CHL1: variants seen among roughly 807,000 people sequenced by gnomAD.
The protein encoded by CHL1 is neural cell adhesion molecule L1-like protein.
CHL1 carries 96 observed loss-of-function variants against 141.9 expected under a neutral mutation model. The ratio of observed to expected loss-of-function variants is 0.68; its 90% CI spans 0.57 to 0.80. The LOEUF is 0.80. Among genes scored for constraint, CHL1 ranks in the 30% least tolerant of loss-of-function variants. The pLI is 0.00. For missense variants in CHL1, 1,820 were observed against 1,457.2 expected (o/e 1.25, Z -4.05); for synonymous variants, 613 against 502.2 (o/e 1.22, Z -2.95).
At chr3:388,550 G>A (rs1231325501) in intron 19 of CHL1, among the ~76,000 whole-genome samples, 271 of 138,392 alleles carry the variant, frequency 2.0e-3, no homozygotes, top group African/African-American at 5.7e-3. Context: ...TCCGTCTCAA[G>A]AAAAAAAAAA....
At position 238,185 on chromosome 3, in the gene CHL1, G is replaced by T. The variant is rs773161223; in HGVS notation, c.-174-6428G>T. Among the ~76,000 whole-genome samples, 18 of 151,932 alleles carry T rather than the reference G, an allele frequency of 1.2e-4. 1 individual carries two copies. Among genetic ancestry groups the T allele is most frequent in the Non-Finnish European group, 1.8e-4 (12 of 67,986 alleles). ...ATTCAAATTTGTATTGAGTATTTTG[G>T]CACACATTTTGAGGGTCTGGGCCTC... On this transcript the variant is annotated intron_variant, in intron 1 of 27. Coordinates refer to ENST00000256509, the MANE Select transcript of CHL1 (RefSeq NM_006614.4).
chr3:294,947 A>G (rs1350514560), intron 2 of CHL1, among the ~76,000 whole-genome samples: 1 of 152,216 alleles, frequency 6.6e-6, no homozygotes, highest in East Asian at 1.9e-4. Context: ...CTGTTCTAAG[A>G]TAGCTTATAT....
chr3:211,578 C>T (rs969810877), intron 1 of CHL1, among the ~76,000 whole-genome samples: 3 of 152,128 alleles, frequency 2.0e-5, no homozygotes, highest in Non-Finnish European at 4.4e-5. Context: ...TTTTTCTCTC[C>T]ACGCTTAGGA....
At chr3:284,287 A>G (rs2125309517) in intron 2 of CHL1, among the ~76,000 whole-genome samples, 2 of 152,334 alleles carry the variant, frequency 1.3e-5, no homozygotes, top group South Asian at 4.1e-4. Flanking sequence ...AATGAATAAT[A>G]AGAGGAAAAC....
In CHL1 at chr3:266,378, G is replaced by T. The variant is rs548380173; in HGVS notation, c.-95+21686G>T. Reference sequence around the variant, plus strand: ...AATTTCTACATGGGAAGGATGCATTGGAAGCAACCTGGTTAGAAGGGGGCT... The same window carrying T: ...AATTTCTACATGGGAAGGATGCATTTGAAGCAACCTGGTTAGAAGGGGGCT... On this transcript the variant is annotated intron_variant, in intron 2 of 27. Transcript: ENST00000256509. Among the ~76,000 whole-genome samples the T allele has an allele frequency of 4.6e-5, 7 of 152,242 alleles. No homozygotes were observed. In the South Asian group the frequency reaches 1.5e-3, roughly 32 times the overall value.
At chr3:400,638 C>T (rs1709048703) in intron 26 of CHL1, among the ~76,000 whole-genome samples, 1 of 138,048 alleles carries the variant, frequency 7.2e-6, no homozygotes, top group Non-Finnish European at 1.5e-5. Flanking sequence ...TCTTATATTC[C>T]ACTAATAAGA....
chr3:378,446 T>A (rs1706618369), intron 16 of CHL1, among the ~76,000 whole-genome samples: 1 of 152,192 alleles, frequency 6.6e-6, no homozygotes, highest in Admixed American at 6.5e-5. Flanking sequence ...GTTGTTGTTG[T>A]TGATGAAAGT....
chr3:260,500 C>T (rs978156009), intron 2 of CHL1, among the ~76,000 whole-genome samples: 3 of 152,062 alleles, frequency 2.0e-5, no homozygotes, highest in Non-Finnish European at 2.9e-5. Context: ...AACCTTGTTT[C>T]GACTATGATG....
intron 2 of CHL1, among the ~76,000 whole-genome samples, chr3:285,779 G>T (rs1205119074): frequency 6.6e-6 from 1 of 151,986 alleles, no homozygotes; most frequent in Admixed American, 6.6e-5. Flanking sequence ...CCTCAGAAGT[G>T]ACCTAAAACC....
At chr3:337,613 A>G (rs1406115261) in intron 5 of CHL1, among the ~76,000 whole-genome samples, 9 of 150,404 alleles carry the variant, frequency 6.0e-5, no homozygotes, top group East Asian at 2.0e-4. Context: ...GAGAACATGC[A>G]ATGTTTGGTT....
chr3:261,497 T>G (rs1230704873), intron 2 of CHL1, among the ~76,000 whole-genome samples: 1 of 152,170 alleles, frequency 6.6e-6, no homozygotes, highest in Non-Finnish European at 1.5e-5. Context: ...TAAGAAATCA[T>G]ATTCTATCTT....
chr3:383,962 A>G (rs1373273131), intron 19 of CHL1, 76 bp downstream of exon 19: 2 of 874,382 alleles, frequency 2.3e-6, no homozygotes, highest in East Asian at 5.0e-5. Context: ...AACTACAATG[A>G]TAGCACAACA....
chr3:310,961 C>T (rs935898320), intron 2 of CHL1, among the ~76,000 whole-genome samples: 1 of 152,168 alleles, frequency 6.6e-6, no homozygotes. Context: ...TCCAGAGTGT[C>T]GTGTAGTTAG....
intron 1 of CHL1, among the ~76,000 whole-genome samples, chr3:226,603 C>G (rs989235680): frequency 2.0e-5 from 3 of 151,538 alleles, no homozygotes; most frequent in African/African-American, 7.3e-5. Context: ...GCGCACACCA[C>G]GCCCAGCTAA....
chr3:235,172 A>C (rs1276056947), intron 1 of CHL1, among the ~76,000 whole-genome samples: 1 of 152,008 alleles, frequency 6.6e-6, no homozygotes, highest in Non-Finnish European at 1.5e-5. Flanking sequence ...AACATTATTA[A>C]AAATATTTGT....
chr3:403,086 C>T (rs898973707), intron 27 of CHL1, among the ~76,000 whole-genome samples: 3 of 152,148 alleles, frequency 2.0e-5, no homozygotes, highest in African/African-American at 4.8e-5. Flanking sequence ...ATTCCTAGGC[C>T]ATTCGTGTGG....
In CHL1 at chr3:309,555, A is replaced by T. The variant is rs2124971082; in HGVS notation, c.-94-10128A>T. 2.9e-5 allele frequency among the ~76,000 whole-genome samples: 4 copies of T among 139,126 alleles called. No homozygotes were observed. In the South Asian group the frequency reaches 8.9e-4, roughly 31 times the overall value. 91.3% of individuals were successfully genotyped at this position (139,126 alleles called of 152,430 possible). A position where few individuals can be genotyped will look rare whatever the true frequency, so the allele number is the denominator to read the frequency against. ...TCCTTCCTTTTTTTGAAACGGTCTC[A>T]CTCTGTTGCCCAGGCAGAATCATAG... On this transcript the variant is annotated intron_variant, in intron 2 of 27. Coordinates refer to ENST00000256509, the MANE Select transcript of CHL1 (RefSeq NM_006614.4).
intron 27 of CHL1, among the ~76,000 whole-genome samples, chr3:403,429 C>A (rs1274557658): frequency 6.6e-6 from 1 of 152,114 alleles, no homozygotes; most frequent in Non-Finnish European, 1.5e-5. Flanking sequence ...TAAGGACCTG[C>A]AACAACTTTT....
At chr3:236,015 A>G (rs1691938497) in intron 1 of CHL1, among the ~76,000 whole-genome samples, 1 of 152,190 alleles carries the variant, frequency 6.6e-6, no homozygotes, top group Non-Finnish European at 1.5e-5. Flanking sequence ...ACTATGCAAC[A>G]TGCTTGAAAC....
Sources: allele counts gnomAD v4.1 joint callset (sites outside exome capture counted in the v4.1 genomes callset), GRCh38; gene constraint gnomAD v4.1.1; transcripts MANE v1.5; gene names NCBI Gene and HGNC (gene_info 2026-07-23, HGNC 2026-07-21).